The following SUCLG2 variants were observed in gnomAD, a reference collection of about 807,000 sequenced individuals.
SUCLG2 encodes succinate--CoA ligase [GDP-forming] subunit beta, mitochondrial.
A neutral mutation model predicts 47.9 loss-of-function variants in SUCLG2; 42 were observed. That is an observed-to-expected ratio of 0.88 (90% confidence interval 0.69 to 1.14). SUCLG2 has a LOEUF of 1.14. SUCLG2 is among the 50% of genes most tolerant of loss of function. SUCLG2 has a pLI of 0.00. For synonymous variants in SUCLG2, 195 were observed against 197.3 expected, an observed-to-expected ratio of 0.99 and a Z score of 0.10; for missense variants, 571 against 525.9, an observed-to-expected ratio of 1.09 and a Z score of -0.84.
chr3:67,475,422 C>A (rs1704724465), intron 9 of SUCLG2, among the ~76,000 whole-genome samples: 1 of 152,208 alleles, frequency 6.6e-6, no homozygotes, highest in Non-Finnish European at 1.5e-5. Flanking sequence ...GAATCTGTCA[C>A]AATTCTGAGA....
chr3:67,387,876 T>C (rs1257161580), intron 10 of SUCLG2, among the ~76,000 whole-genome samples: 1 of 151,948 alleles, frequency 6.6e-6, no homozygotes, highest in Admixed American at 6.6e-5. Context: ...TATTAGTAAA[T>C]ACCATGTGCA....
At chr3:67,576,412 A>G (rs1324985733) in intron 2 of SUCLG2, among the ~76,000 whole-genome samples, 1 of 152,228 alleles carries the variant, frequency 6.6e-6, no homozygotes, top group Non-Finnish European at 1.5e-5. Flanking sequence ...CAGGAAAAAA[A>G]AAAGGTAGAC....
rs920681300 is a variant in SUCLG2 at position 67,395,202 on chromosome 3, G to A, written c.1183+5529C>T. 8.0e-4 allele frequency among the ~76,000 whole-genome samples: 122 copies of A among 151,964 alleles called. 1 individual carries two copies. The highest frequency in any genetic ancestry group is 1.5e-3 in the Non-Finnish European group (101 of 68,004). On this transcript the variant is annotated intron_variant, in intron 10 of 10. Coordinates refer to ENST00000307227, the MANE Select transcript of SUCLG2 (RefSeq NM_003848.4). ...AACTTGAAATGTAAATGGACTAAAT[G>A]CTCCAATTAAAAGACACAGACTGGC...
At chr3:67,514,014 AT>A (rs1302765133) in intron 6 of SUCLG2, 2 of 338,730 alleles carry the variant, frequency 5.9e-6, no homozygotes, top group Non-Finnish European at 1.2e-5. Context: ...AATACGACAT[AT>A]CCCTGGAAAC....
intron 6 of SUCLG2, among the ~76,000 whole-genome samples, chr3:67,515,032 G>T (rs939849612): frequency 6.6e-6 from 1 of 152,030 alleles, no homozygotes; most frequent in Non-Finnish European, 1.5e-5. Context: ...ATGCTACATC[G>T]CAATGCTCAC....
chr3:67,362,033 A>G (rs1701809946), intron 10 of SUCLG2, among the ~76,000 whole-genome samples: 1 of 152,196 alleles, frequency 6.6e-6, no homozygotes, highest in African/African-American at 2.4e-5. Context: ...AACAGGAAAA[A>G]TTGCCCAGTT....
chr3:67,610,290 A>G (rs189293331), intron 1 of SUCLG2, among the ~76,000 whole-genome samples: 3 of 152,326 alleles, frequency 2.0e-5, no homozygotes, highest in African/African-American at 7.2e-5. Context: ...AAGACTGACT[A>G]TTAATTAAAC....
chr3:67,567,286 CCTATATCAGGATT>C (rs776420979), intron 2 of SUCLG2, among the ~76,000 whole-genome samples: 5 of 137,480 alleles, frequency 3.6e-5, no homozygotes, highest in African/African-American at 5.4e-5. Flanking sequence ...AACTATACTT[CCTATATCAGGATT>C]TTTTTTTTTT....
At chr3:67,399,616 G>GT (rs1702637979) in intron 10 of SUCLG2, among the ~76,000 whole-genome samples, 1 of 151,032 alleles carries the variant, frequency 6.6e-6, no homozygotes, top group African/African-American at 2.4e-5. Flanking sequence ...ATTAACAAAT[G>GT]TGATTTTTTT....
chr3:67,515,898 G>A (rs985243397), intron 6 of SUCLG2, among the ~76,000 whole-genome samples: 2 of 152,128 alleles, frequency 1.3e-5, no homozygotes, highest in Non-Finnish European at 2.9e-5. Context: ...GGTGTCCCTA[G>A]ATGAACAACT....
At position 67,441,417 on chromosome 3, in the gene SUCLG2, G is replaced by C. The variant is rs75340999; in HGVS notation, c.1063-40566C>G. Among the ~76,000 whole-genome samples the C allele has an allele frequency of 1.2e-3, 187 of 151,710 alleles. 2 individuals carry two copies. The East Asian group carries it at 0.03, about 24-fold the overall frequency. Reference sequence around the variant, plus strand: ...AGTGTTGTGTTGAGTCTCCTGTCTTGTCATGTGTAGCCCTATGGAGACTCA... The same window carrying C: ...AGTGTTGTGTTGAGTCTCCTGTCTTCTCATGTGTAGCCCTATGGAGACTCA... On this transcript the variant is annotated intron_variant, in intron 9 of 10. Transcript: ENST00000307227.
chr3:67,435,334 A>C (rs1348874833), intron 9 of SUCLG2, among the ~76,000 whole-genome samples: 1 of 152,206 alleles, frequency 6.6e-6, no homozygotes, highest in African/African-American at 2.4e-5. Context: ...CTTTTGCTTC[A>C]AATGCAAGGT....
intron 9 of SUCLG2, among the ~76,000 whole-genome samples, chr3:67,421,229 ATTAAAGACCCATT>A (rs1308567110): frequency 1.3e-5 from 2 of 152,186 alleles, no homozygotes; most frequent in Non-Finnish European, 2.9e-5. Context: ...ACCCACTGTC[ATTAAAGACCCATT>A]TTAAAGACCC....
chr3:67,597,166 C>T (rs1708312137), intron 2 of SUCLG2, among the ~76,000 whole-genome samples: 1 of 152,188 alleles, frequency 6.6e-6, no homozygotes, highest in Admixed American at 6.5e-5. Flanking sequence ...GGAGGATCAG[C>T]CTGAAGAGAA....
intron 2 of SUCLG2, 124 bp downstream of exon 2, chr3:67,609,331 G>A: frequency 8.6e-7 from 1 of 1,161,306 alleles, no homozygotes. Flanking sequence ...GCAGTTCTAA[G>A]CTCTCCCCTG....
chr3:67,382,959 G>C (rs774420064), intron 10 of SUCLG2, among the ~76,000 whole-genome samples: 8 of 152,142 alleles, frequency 5.3e-5, no homozygotes, highest in Non-Finnish European at 7.3e-5. Context: ...ATTAGATAGA[G>C]GAGGTCCATT....
chr3:67,523,400 C>T (rs114122419), intron 4 of SUCLG2, among the ~76,000 whole-genome samples: 171 of 152,200 alleles, frequency 1.1e-3, no homozygotes, highest in African/African-American at 3.9e-3. Flanking sequence ...TAGCACAGAA[C>T]CATTCTGATT....
At chr3:67,599,730 A>G (rs563471760) in intron 2 of SUCLG2, among the ~76,000 whole-genome samples, 1 of 152,078 alleles carries the variant, frequency 6.6e-6, no homozygotes, top group African/African-American at 2.4e-5. Flanking sequence ...AAAAAAAAAA[A>G]AAAACTCTAA....
chr3:67,530,009 C>T (rs1049738012), intron 2 of SUCLG2, among the ~76,000 whole-genome samples: 1 of 152,178 alleles, frequency 6.6e-6, no homozygotes, highest in Non-Finnish European at 1.5e-5. Context: ...AAAAAACTGC[C>T]TCCAAATCAA....
Sources: allele counts gnomAD v4.1 joint callset (sites outside exome capture counted in the v4.1 genomes callset), GRCh38; gene constraint gnomAD v4.1.1; transcripts MANE v1.5; gene names NCBI Gene and HGNC (gene_info 2026-07-23, HGNC 2026-07-21).